Variants in TFB1M observed in about 807,000 individuals in gnomAD.
TFB1M encodes the protein transcription factor B1, mitochondrial, also known as dimethyladenosine transferase 1, mitochondrial.
A neutral mutation model predicts 31.1 loss-of-function variants in TFB1M; 27 were observed. That is an observed-to-expected ratio of 0.87 (90% confidence interval 0.64 to 1.20). The LOEUF (loss-of-function observed/expected upper bound fraction) is 1.20, where lower values mean the gene tolerates loss of function less well. Ranked by LOEUF, TFB1M falls within the 50% of genes most tolerant of loss-of-function variation. The probability of loss-of-function intolerance (pLI) is 0.00; values close to 1 mark genes in which losing one functional copy is unlikely to be tolerated. For missense variants in TFB1M, 394 were observed against 418.7 expected (o/e 0.94, Z 0.51); for synonymous variants, 166 against 151.8 (o/e 1.09, Z -0.69).
the TFB1M span, among the ~76,000 whole-genome samples, chr6:155,247,060 A>G: frequency 1.3e-5 from 2 of 152,238 alleles, no homozygotes; most frequent in African/African-American, 4.8e-5. Flanking sequence ...TCCTACTGCC[A>G]TGCCTGTTGG....
At chr6:155,283,800 C>A (rs1776498503) in intron 5 of TFB1M, among the ~76,000 whole-genome samples, 1 of 152,188 alleles carries the variant, frequency 6.6e-6, no homozygotes, top group East Asian at 1.9e-4. Context: ...TATATGCACA[C>A]ACATGTGCAT....
chr6:155,281,804 C>A (rs550417613), intron 5 of TFB1M, among the ~76,000 whole-genome samples: 1 of 120,150 alleles, frequency 8.3e-6, no homozygotes, highest in Non-Finnish European at 1.7e-5. Flanking sequence ...GATTATGAAG[C>A]CTATCACCAT....
In TFB1M at chr6:155,257,202, A is replaced by C. The variant is rs1037634984; in HGVS notation, c.*634T>G. Reference sequence around the variant, plus strand: ...AAAGTGGAAATTGCAAAAAAAAAAAAAAAAAAAAACTGTTCATTCCTGGGT... The same window carrying C: ...AAAGTGGAAATTGCAAAAAAAAAAACAAAAAAAAACTGTTCATTCCTGGGT... On this transcript the variant is annotated 3_prime_UTR_variant, in exon 7 of 7. Transcript: ENST00000367166. 3.3e-5 allele frequency: 47 copies of C among 1,427,898 alleles called. No homozygotes were observed. The highest frequency in any genetic ancestry group is 1.1e-4 in the Admixed American group (5 of 45,686). 88.5% of individuals were successfully genotyped at this position (1,427,898 alleles called of 1,614,324 possible). A position where few individuals can be genotyped will look rare whatever the true frequency, so the allele number is the denominator to read the frequency against.
At chr6:155,280,135 A>G (rs957828606) in intron 5 of TFB1M, among the ~76,000 whole-genome samples, 2 of 152,182 alleles carry the variant, frequency 1.3e-5, no homozygotes, top group African/African-American at 4.8e-5. Context: ...GCAATTAAAC[A>G]TGAAACTTAG....
At chr6:155,282,588 C>T (rs1355533596) in intron 5 of TFB1M, among the ~76,000 whole-genome samples, 1 of 152,156 alleles carries the variant, frequency 6.6e-6, no homozygotes, top group Non-Finnish European at 1.5e-5. Context: ...ATTTTTAGCG[C>T]TTAGCTTATC....
At chr6:155,266,952 T>C (rs1040195501) in intron 5 of TFB1M, among the ~76,000 whole-genome samples, 1 of 147,328 alleles carries the variant, frequency 6.8e-6, no homozygotes, top group African/African-American at 2.5e-5. Context: ...GGAAGAGAAC[T>C]CTAGAATACT....
chr6:155,262,913 G>A (rs914761541), intron 5 of TFB1M, among the ~76,000 whole-genome samples: 3 of 152,168 alleles, frequency 2.0e-5, no homozygotes, highest in African/African-American at 4.8e-5. Context: ...AAACTATAGC[G>A]TCGACTTCTA....
At chr6:155,261,022 C>A in intron 5 of TFB1M, 1 of 158,736 alleles carries the variant, frequency 6.3e-6, no homozygotes, top group Non-Finnish European at 1.4e-5. Flanking sequence ...AGTGTTTAAG[C>A]TACTGCCAGC....
chr6:155,282,885 G>A (rs1200476294), intron 5 of TFB1M, among the ~76,000 whole-genome samples: 1 of 151,902 alleles, frequency 6.6e-6, no homozygotes, highest in East Asian at 1.9e-4. Context: ...CCACCACCAT[G>A]CCCGGCTAAT....
At chr6:155,245,500 T>C in the TFB1M span, 4 of 809,582 alleles carry the variant, frequency 4.9e-6, no homozygotes, top group Non-Finnish European at 8.2e-6. Flanking sequence ...TGGAGCAGGT[T>C]TGAACTTCTC....
intron 5 of TFB1M, among the ~76,000 whole-genome samples, chr6:155,273,493 A>C (rs535162964): frequency 6.6e-5 from 10 of 152,352 alleles, no homozygotes; most frequent in Non-Finnish European, 1.3e-4. Context: ...CCAGGCATCA[A>C]TCTCCTTGCC....
At chr6:155,310,293 T>C (rs181995903) in intron 2 of TFB1M, among the ~76,000 whole-genome samples, 21 of 152,228 alleles carry the variant, frequency 1.4e-4, no homozygotes, top group African/African-American at 3.9e-4. Context: ...TTTAGAATTA[T>C]GGAGGAATCA....
intron 5 of TFB1M, among the ~76,000 whole-genome samples, chr6:155,273,492 A>C (rs1562396179): frequency 6.6e-6 from 1 of 152,246 alleles, no homozygotes; most frequent in Non-Finnish European, 1.5e-5. Context: ...GCCAGGCATC[A>C]ATCTCCTTGC....
In TFB1M at chr6:155,297,045, T is replaced by C; in HGVS notation, c.454A>G (p.Ile152Val). 6.2e-7 allele frequency: 1 copy of C among 1,613,788 alleles called. No homozygotes were observed. The change falls in exon 4 of 7, where the codon ATC (isoleucine) becomes GTC (valine). Residue 152 changes from isoleucine to valine, a missense_variant. Transcript: ENST00000367166. ...CAGGAAATATTTTCAAGCCACTTGATAATCAGTGGAGTTGAAACACTAAAA... is the reference window on the plus strand; with the variant it reads ...CAGGAAATATTTTCAAGCCACTTGACAATCAGTGGAGTTGAAACACTAAAA... ...LPFSVSTPLI[I>V]KWLENISCRD...
At position 155,257,975 on chromosome 6, in the gene TFB1M, T is replaced by C; in HGVS notation, c.902A>G (p.Lys301Arg). 2 of 1,614,220 alleles carry C rather than the reference T, an allele frequency of 1.2e-6. No homozygotes were observed. Residue 301 changes from lysine (K) to arginine (R), a missense_variant, in exon 7 of 7, where the codon AAG becomes AGG. Transcript: ENST00000367166. ...RPRQLSISHF[K>R]SLCDVYRKMC... ...TTTTCTGTATACATCACAGAGGCTC[T>C]TAAAGTGTGAGATGGAGAGCTGGCG...
At chr6:155,288,223 C>T (rs1171953570) in intron 4 of TFB1M, among the ~76,000 whole-genome samples, 1 of 152,140 alleles carries the variant, frequency 6.6e-6, no homozygotes, top group Non-Finnish European at 1.5e-5. Context: ...ATACCTCTTC[C>T]CCATGACCTT....
intron 2 of TFB1M, among the ~76,000 whole-genome samples, chr6:155,302,692 T>G (rs1777483673): frequency 6.6e-6 from 1 of 152,128 alleles, no homozygotes; most frequent in Admixed American, 6.5e-5. Flanking sequence ...TTATAGGAAT[T>G]TTAAGTTTGT....
chr6:155,242,266 CA>C, the TFB1M span, among the ~76,000 whole-genome samples: 113 of 152,378 alleles, frequency 7.4e-4, no homozygotes, highest in Admixed American at 3.7e-3. Context: ...AAATAACCCA[CA>C]CTTGGCACCT....
intron 4 of TFB1M, among the ~76,000 whole-genome samples, chr6:155,286,166 T>C (rs1457378842): frequency 6.6e-6 from 1 of 152,124 alleles, no homozygotes; most frequent in Admixed American, 6.6e-5. Context: ...ATTCGGTAAG[T>C]GACACCGGTG....
Sources: allele counts gnomAD v4.1 joint callset (sites outside exome capture counted in the v4.1 genomes callset), GRCh38; gene constraint gnomAD v4.1.1; transcripts MANE v1.5; gene names NCBI Gene and HGNC (gene_info 2026-07-23, HGNC 2026-07-21).